The following PLEKHG4B variants were observed in gnomAD, a reference collection of about 807,000 sequenced individuals.
The protein encoded by PLEKHG4B is pleckstrin homology and RhoGEF domain containing G4B, also known as pleckstrin homology domain-containing family G member 4B.
PLEKHG4B carries 111 observed loss-of-function variants against 121.3 expected under a neutral mutation model. That is an observed-to-expected ratio of 0.92 (90% CI 0.78 to 1.07). The LOEUF (loss-of-function observed/expected upper bound fraction) is 1.07. Ranked by LOEUF, PLEKHG4B falls within the 50% of genes least tolerant of loss-of-function variation. PLEKHG4B has a pLI of 0.00. For synonymous variants in PLEKHG4B, 738 were observed against 725.0 expected (o/e 1.02, Z -0.29); for missense variants, 1,831 against 1,757.8 (o/e 1.04, Z -0.74).
Position 140,210 on chromosome 5 carries a change from T to G in PLEKHG4B, c.971T>G (p.Leu324Arg). 1 of 1,316,222 alleles carries G rather than the reference T, an allele frequency of 7.6e-7. No homozygotes were observed. Among genetic ancestry groups the G allele is most frequent in the Non-Finnish European group, 1.0e-6 (1 of 980,762 alleles). 81.5% of individuals were successfully genotyped at this position (1,316,222 alleles called of 1,614,324 possible). Residue 324 changes from leucine (L) to arginine (R), a missense_variant, in exon 3 of 20, where the codon CTC (leucine) becomes CGC (arginine). By Grantham distance (102) the Leu-to-Arg change is moderately radical (BLOSUM62 -2). Coordinates refer to ENST00000637938, the MANE Select transcript of PLEKHG4B (RefSeq NM_052909.5). ...PMDQEDRPKA[L>R]TFHTDLGIPS... ...GACCAGGAGGACAGACCCAAGGCCC[T>G]CACCTTCCACACAGACCTGGGCATC... is the stretch of plus-strand genomic sequence containing the variant.
intron 1 of PLEKHG4B, among the ~76,000 whole-genome samples, chr5:98,312 AT>A (rs755589272): frequency 7.2e-6 from 1 of 139,472 alleles, no homozygotes; most frequent in Non-Finnish European, 1.5e-5. Flanking sequence ...TGAATGAATT[AT>A]TTTTTCCCCA....
chr5:164,897 C>CTAATGCTCTGACGGGGCGG (rs1736240025), intron 13 of PLEKHG4B, among the ~76,000 whole-genome samples: 2 of 46,786 alleles, frequency 4.3e-5, no homozygotes, highest in African/African-American at 7.9e-5. Flanking sequence ...GGAGCTCACA[C>CTAATGCTCTGACGGGGCGG]AGTAATGCTG....
chr5:99,636 T>G (rs1464388713), intron 1 of PLEKHG4B, among the ~76,000 whole-genome samples: 2 of 152,154 alleles, frequency 1.3e-5, no homozygotes, highest in Non-Finnish European at 2.9e-5. Flanking sequence ...TCTAGCTTTT[T>G]GTGGATGTTT....
rs767769254 is a variant in PLEKHG4B at position 174,115 on chromosome 5, C to T, written c.4402+17C>T. The T allele has an allele frequency of 2.4e-5, 36 of 1,484,006 alleles. No homozygotes were observed. Among genetic ancestry groups the T allele is most frequent in the Admixed American group, 4.2e-5 (2 of 47,644 alleles). 91.9% of individuals were successfully genotyped at this position (1,484,006 alleles called of 1,614,324 possible). ...AGAGCAGAGGTGGGAAGATGGGGGC[C>T]GCAGGGCCTGCCAGGCTCAGGGGCA... On this transcript the variant is annotated intron_variant, in intron 18 of 19. Transcript: ENST00000637938.
In PLEKHG4B at chr5:185,673, G is replaced by A. The variant is rs1733602776; in HGVS notation, c.*3350G>A. The A allele has an allele frequency of 6.5e-6, 1 of 152,732 alleles. No homozygotes were observed. Among genetic ancestry groups the A allele is most frequent in the Non-Finnish European group, 1.5e-5 (1 of 68,388 alleles). 9.5% of individuals were successfully genotyped at this position (152,732 alleles called of 1,614,324 possible). On this transcript the variant is annotated 3_prime_UTR_variant, in exon 20 of 20. Transcript: ENST00000637938. The stretch of plus-strand genomic sequence containing the variant: ...AGGCTGCTGGGGGCCCAGGTGTGCA[G>A]GGGGCAGGGCCAGGTGCAGGGGCAC...
intron 11 of PLEKHG4B, among the ~76,000 whole-genome samples, chr5:160,033 A>C (rs925221453): frequency 7.2e-5 from 11 of 152,188 alleles, no homozygotes; most frequent in Non-Finnish European, 1.3e-4. Flanking sequence ...CTTCACCCAG[A>C]AACTCCACGT....
rs1736017686 is a variant in PLEKHG4B, at chr5:161,914, G to A, written c.2619G>A (p.Arg873=). ...AGTGCAGGGAGGGAGAGCTGGCCAGGTGGACCCGCTCGTCCGAGTTGTGCG... is the reference window on the plus strand; with the variant it reads ...AGTGCAGGGAGGGAGAGCTGGCCAGATGGACCCGCTCGTCCGAGTTGTGCG... The part of the protein sequence containing the change: ...QAECREGELA[R]WTRSSELCET... The change falls in exon 12 of 20, where the codon AGG becomes AGA. Residue 873 remains arginine (R), a synonymous_variant. Transcript: ENST00000637938. 1 of 1,613,028 alleles carries A rather than the reference G, an allele frequency of 6.2e-7. No homozygotes were observed. Among genetic ancestry groups the A allele is most frequent in the African/African-American group, 1.3e-5 (1 of 75,044 alleles).
rs559368259 is a variant in PLEKHG4B, at chr5:94,522, G to A, written c.45+2246G>A. The stretch of plus-strand genomic sequence containing the variant: ...AGAGGTGGCAGGTTCCATCCTGAAA[G>A]TGTTGGTTCTGGGCCTGGGAATCTG... On this transcript the variant is annotated intron_variant, in intron 1 of 19. Coordinates refer to ENST00000637938, the MANE Select transcript of PLEKHG4B (RefSeq NM_052909.5). Among the ~76,000 whole-genome samples the A allele has an allele frequency of 7.6e-5, 11 of 144,278 alleles. No individual in the cohort carries two copies. The South Asian group carries it at 2.1e-3, about 28-fold the overall frequency. The allele number at this position is 144,278 out of a possible 152,430, so 94.7% of individuals were successfully genotyped here.
intron 5 of PLEKHG4B, 86 bp downstream of exon 5, chr5:143,589 C>T (rs1735306581): frequency 6.5e-7 from 1 of 1,533,974 alleles, no homozygotes; most frequent in Non-Finnish European, 8.9e-7. Flanking sequence ...CGGGGAGGTG[C>T]CAGCTTCCAT....
intron 6 of PLEKHG4B, among the ~76,000 whole-genome samples, chr5:148,184 A>C (rs543136772): frequency 6.6e-6 from 1 of 152,236 alleles, no homozygotes; most frequent in South Asian, 2.1e-4. Flanking sequence ...AATAATGCCC[A>C]CTTCTATTCA....
intron 2 of PLEKHG4B, among the ~76,000 whole-genome samples, chr5:119,358 A>T (rs2126365951): frequency 6.6e-6 from 1 of 152,330 alleles, no homozygotes; most frequent in South Asian, 2.1e-4. Flanking sequence ...GGAGTTATTT[A>T]TATCCTACTG....
At position 155,085 on chromosome 5, in the gene PLEKHG4B, G is replaced by A. The variant is rs139916671; in HGVS notation, c.2109+94G>A. The A allele has an allele frequency of 1.8e-4, 195 of 1,075,564 alleles. 4 individuals are homozygous for A. In the African/African-American group the frequency reaches 2.7e-3, roughly 15 times the overall value. 66.6% of individuals were successfully genotyped at this position (1,075,564 alleles called of 1,614,324 possible). On this transcript the variant is annotated intron_variant, in intron 8 of 19. Coordinates refer to ENST00000637938, the MANE Select transcript of PLEKHG4B (RefSeq NM_052909.5). The stretch of plus-strand genomic sequence containing the variant: ...ACTAGAATTTGAAAAGGGCATCACC[G>A]TCCCTGATCTGATGCTTGTTACAGT...
rs1735087206 is a variant in PLEKHG4B at position 139,572 on chromosome 5, A to C, written c.333A>C (p.Gly111=). 2 of 398,814 alleles carry C rather than the reference A, an allele frequency of 5.0e-6. No homozygotes were observed. The highest frequency in any genetic ancestry group is 8.8e-6 in the Non-Finnish European group (2 of 226,146). The allele number at this position is 398,814 out of a possible 1,614,324, so 24.7% of individuals were successfully genotyped here. Residue 111 remains glycine (G), a synonymous_variant, in exon 3 of 20, where the codon GGA becomes GGC. Coordinates refer to ENST00000637938, the MANE Select transcript of PLEKHG4B (RefSeq NM_052909.5). The surrounding 1 kb of genome is among the most constrained non-coding windows in gnomAD (Gnocchi z 5.0). ...TGGTGCAGCTGGCGTCCCTGCACGG[A>C]GTCAGGCTCCAGCCCGGGGACTTCT... The part of the protein sequence containing the change: ...KVVVQLASLH[G]VRLQPGDFYL...
intron 1 of PLEKHG4B, among the ~76,000 whole-genome samples, chr5:107,504 C>T (rs1230313220): frequency 2.0e-5 from 3 of 152,210 alleles, no homozygotes; most frequent in African/African-American, 7.2e-5. Context: ...TGGGTGCTCC[C>T]TTACCCATCT....
chr5:103,395 C>G (rs980797888), intron 1 of PLEKHG4B, among the ~76,000 whole-genome samples: 1 of 152,136 alleles, frequency 6.6e-6, no homozygotes, highest in Non-Finnish European at 1.5e-5. Context: ...GACCCCCACT[C>G]TGGGAGAAGA....
Position 162,805 on chromosome 5 carries a change from G to A in PLEKHG4B, c.2733G>A (p.Glu911=), listed in dbSNP as rs1458205272. The A allele has an allele frequency of 6.7e-7, 1 of 1,502,170 alleles. No individual in the cohort carries two copies. The highest frequency in any genetic ancestry group is 2.3e-5 in the Admixed American group (1 of 43,490). 93.1% of individuals were successfully genotyped at this position (1,502,170 alleles called of 1,614,324 possible). The change falls in exon 13 of 20, where the codon GAG becomes GAA. Residue 911 remains glutamate (E), a synonymous_variant. Coordinates refer to ENST00000637938, the MANE Select transcript of PLEKHG4B (RefSeq NM_052909.5). ...VAECLRSCHQ[E]ATSVAAEAFP... is the part of the protein sequence containing the mutation. Reference sequence around the variant, plus strand: ...AGTGTTTGAGGAGCTGTCACCAGGAGGCTACCTCGGTGGCTGCAGAGGCCT... The same window carrying A: ...AGTGTTTGAGGAGCTGTCACCAGGAAGCTACCTCGGTGGCTGCAGAGGCCT...
At chr5:107,917 G>T (rs946431895) in intron 1 of PLEKHG4B, among the ~76,000 whole-genome samples, 1 of 152,188 alleles carries the variant, frequency 6.6e-6, no homozygotes, top group Non-Finnish European at 1.5e-5. Flanking sequence ...GGGCTTCAGG[G>T]ATATAGGAAT....
In PLEKHG4B at chr5:164,929, A is replaced by G. The variant is rs1327461430; in HGVS notation, c.3476+1381A>G. ...GCTGTGACGGGGCGGAGCTCACACT[A>G]ATGCTGTGACGGGGCGGGGCTTACA... is the stretch of plus-strand genomic sequence containing the variant. On this transcript the variant is annotated intron_variant, in intron 13 of 19. Coordinates refer to ENST00000637938, the MANE Select transcript of PLEKHG4B (RefSeq NM_052909.5). 3.5e-5 allele frequency among the ~76,000 whole-genome samples: 2 copies of G among 57,680 alleles called. 1 individual carries two copies. The highest frequency in any genetic ancestry group is 7.8e-5 in the Non-Finnish European group (2 of 25,648). The allele number at this position is 57,680 out of a possible 152,430, so 37.8% of individuals were successfully genotyped here. A position where few individuals can be genotyped will look rare whatever the true frequency, so the allele number is the denominator to read the frequency against.
At chr5:155,994 C>G (rs376869540) in intron 9 of PLEKHG4B, 77 bp from the exon 10 acceptor site, 3 of 1,359,040 alleles carry the variant, frequency 2.2e-6, no homozygotes, top group Middle Eastern at 1.9e-4. Context: ...ACAGGACATT[C>G]CTGCCACTGT....
Sources: allele counts gnomAD v4.1 joint callset (sites outside exome capture counted in the v4.1 genomes callset), GRCh38; gene constraint gnomAD v4.1.1; non-coding constraint Gnocchi (gnomAD v3.1); transcripts MANE v1.5; gene names NCBI Gene and HGNC (gene_info 2026-07-23, HGNC 2026-07-21).